The following EYS variants were observed in gnomAD, a reference collection of about 807,000 sequenced individuals.
The protein encoded by EYS is EGF-like photoreceptor maintenance factor, also known as protein eyes shut homolog.
EYS carries 250 observed loss-of-function variants against 282.1 expected under a neutral mutation model. The observed-to-expected ratio is 0.89, with a 90% CI of 0.80 to 0.98. The LOEUF is 0.98. EYS is among the 50% of genes least tolerant of loss of function. The probability of loss-of-function intolerance (pLI) is 0.00; values close to 1 mark genes in which losing one functional copy is unlikely to be tolerated. For synonymous variants in EYS, 1,355 were observed against 1,282.9 expected, an observed-to-expected ratio of 1.06 and a Z score of -1.20; for missense variants, 4,016 against 3,709.0, an observed-to-expected ratio of 1.08 and a Z score of -2.15.
chr6:64,896,574 T>C (rs958969911), intron 18 of EYS, among the ~76,000 whole-genome samples: 10 of 149,480 alleles, frequency 6.7e-5, no homozygotes, highest in East Asian at 4.1e-4. Context: ...CGTATCCCAG[T>C]GGCACCTGAA....
intron 26 of EYS, among the ~76,000 whole-genome samples, chr6:64,559,037 A>T (rs1765319984): frequency 6.6e-6 from 1 of 152,078 alleles, no homozygotes; most frequent in Admixed American, 6.6e-5. Flanking sequence ...TGTTTGTTTG[A>T]TCTTACAATT....
At chr6:64,350,136 CAG>C (rs1425009050) in intron 29 of EYS, among the ~76,000 whole-genome samples, 1 of 151,444 alleles carries the variant, frequency 6.6e-6, no homozygotes, top group East Asian at 2.0e-4. Flanking sequence ...TGTCTCTACT[CAG>C]AGTCTAATAA....
chr6:64,690,235 C>T (rs2149913773), intron 22 of EYS, among the ~76,000 whole-genome samples: 1 of 152,136 alleles, frequency 6.6e-6, no homozygotes, highest in South Asian at 2.1e-4. Context: ...AAATGCTCAT[C>T]ATCACTGACC....
At chr6:65,648,314 A>ATATGTGTGTGTGTGTGTG (rs373479571) in intron 1 of EYS, among the ~76,000 whole-genome samples, 3,413 of 147,812 alleles carry the variant, frequency 0.023, 131 homozygotes, top group East Asian at 0.17. Flanking sequence ...AAGAAAATAT[A>ATATGTGTGTGTGTGTGTG]TGTGTGTGTG....
intron 9 of EYS, among the ~76,000 whole-genome samples, chr6:65,346,052 C>T (rs1770380471): frequency 6.6e-6 from 1 of 151,762 alleles, no homozygotes; most frequent in Admixed American, 6.6e-5. Context: ...TACAAACAAA[C>T]AATTTCCGAG....
chr6:64,386,137 A>G (rs1432698161), intron 29 of EYS, among the ~76,000 whole-genome samples: 1 of 152,168 alleles, frequency 6.6e-6, no homozygotes, highest in African/African-American at 2.4e-5. Context: ...ACATTCCACT[A>G]ATAGGAATGA....
chr6:65,643,827 T>G (rs936412022), intron 1 of EYS, among the ~76,000 whole-genome samples: 4 of 151,846 alleles, frequency 2.6e-5, no homozygotes, highest in Non-Finnish European at 5.9e-5. Context: ...AAACAATCAC[T>G]GAAGTTCACC....
intron 26 of EYS, among the ~76,000 whole-genome samples, chr6:64,446,473 T>G (rs1775119976): frequency 1.3e-5 from 2 of 152,154 alleles, no homozygotes; most frequent in Non-Finnish European, 2.9e-5. Flanking sequence ...ATTATGAATA[T>G]TTACTCCAAC....
At chr6:64,667,400 G>A (rs1031462339) in intron 22 of EYS, among the ~76,000 whole-genome samples, 36 of 151,840 alleles carry the variant, frequency 2.4e-4, no homozygotes, top group African/African-American at 8.7e-4. Context: ...CCTCCTTGCA[G>A]CTTTGGACAC....
intron 30 of EYS, among the ~76,000 whole-genome samples, chr6:64,280,125 A>G (rs1448111874): frequency 6.6e-6 from 1 of 152,238 alleles, no homozygotes; most frequent in Admixed American, 6.5e-5. Flanking sequence ...TCTAAATGAC[A>G]TAACTGTTGG....
Position 64,586,104 on chromosome 6 carries a change from A to C in EYS, c.5644+4119T>G, listed in dbSNP as rs142176081. ...AATCACCAGTGCTGCAGTATTAAAA[A>C]GTAGGGTCGTTAGGAGGTGTTTAGA... On this transcript the variant is annotated intron_variant, in intron 26 of 42. Coordinates refer to ENST00000503581, the MANE Select transcript of EYS (RefSeq NM_001142800.2). Among the ~76,000 whole-genome samples the C allele has an allele frequency of 3.0e-3, 460 of 152,232 alleles. 1 individual carries two copies. The highest frequency in any genetic ancestry group is 1.0e-2 in the African/African-American group (415 of 41,560).
At chr6:65,137,976 T>C in intron 12 of EYS, among the ~76,000 whole-genome samples, 1 of 152,028 alleles carries the variant, frequency 6.6e-6, no homozygotes, top group Non-Finnish European at 1.5e-5. Flanking sequence ...CTGCTAGAGA[T>C]TATAATGCCT....
rs549779140 is a variant in EYS, at chr6:64,262,604, C to T, written c.6192-31780G>A. On this transcript the variant is annotated intron_variant, in intron 30 of 42. Coordinates refer to ENST00000503581, the MANE Select transcript of EYS (RefSeq NM_001142800.2). ...TTTTTAAACATTCCCTCCCACTCAA[C>T]CCCCTGGTGAGCTTCCTTTTTGCTT... is the stretch of plus-strand genomic sequence containing the variant. 2.0e-5 allele frequency among the ~76,000 whole-genome samples: 3 copies of T among 152,044 alleles called. No homozygotes were observed. The East Asian group carries it at 5.8e-4, about 29-fold the overall frequency.
intron 2 of EYS, among the ~76,000 whole-genome samples, chr6:65,608,375 T>A (rs1266839081): frequency 6.6e-6 from 1 of 152,000 alleles, no homozygotes; most frequent in Non-Finnish European, 1.5e-5. Context: ...ACAAATAGAA[T>A]TTGCAGGACT....
intron 26 of EYS, among the ~76,000 whole-genome samples, chr6:64,491,464 C>A (rs1776739305): frequency 6.6e-6 from 1 of 150,840 alleles, no homozygotes; most frequent in Non-Finnish European, 1.5e-5. Flanking sequence ...AATATTTTTA[C>A]TGAACCCAGA....
chr6:64,737,819 G>C (rs1772231660), intron 22 of EYS, among the ~76,000 whole-genome samples: 1 of 152,150 alleles, frequency 6.6e-6, no homozygotes, highest in South Asian at 2.1e-4. Context: ...TAAGGAAAGG[G>C]AGCACTGACA....
intron 12 of EYS, 136 bp from the exon 13 acceptor site, chr6:65,057,863 C>T (rs1773463720): frequency 3.1e-6 from 2 of 641,258 alleles, no homozygotes. Context: ...AAGAATGCCA[C>T]ATATATTACT....
intron 1 of EYS, among the ~76,000 whole-genome samples, chr6:65,663,123 G>A (rs1768061989): frequency 6.6e-6 from 1 of 152,136 alleles, no homozygotes; most frequent in African/African-American, 2.4e-5. Context: ...TAATCACAAT[G>A]TTTCTTATGC....
intron 12 of EYS, among the ~76,000 whole-genome samples, chr6:65,216,264 A>T (rs1766310337): frequency 6.6e-6 from 1 of 152,106 alleles, no homozygotes; most frequent in African/African-American, 2.4e-5. Flanking sequence ...TTAAATGAGT[A>T]AAAAGTGTTT....
Sources: gnomAD v4.1 joint callset for allele counts (sites outside exome capture counted in the v4.1 genomes callset) on GRCh38, gnomAD v4.1.1 for gene constraint, MANE v1.5 for transcripts, NCBI Gene and HGNC (gene_info 2026-07-23, HGNC 2026-07-21) for gene names.